DLGAP1: variants seen among roughly 807,000 people sequenced by gnomAD.
DLGAP1 encodes the protein disks large-associated protein 1.
Under a neutral mutation model 90.8 loss-of-function variants are expected in DLGAP1, and 11 were observed. The ratio of observed to expected loss-of-function variants is 0.12; its 90% CI spans 0.08 to 0.20. The LOEUF (loss-of-function observed/expected upper bound fraction) is 0.20. Ranked by LOEUF, DLGAP1 falls within the 10% of genes least tolerant of loss-of-function variation. DLGAP1 has a pLI of 1.00. For missense variants in DLGAP1, 1,050 were observed against 1,333.8 expected (o/e 0.79, Z 3.31); for synonymous variants, 558 against 540.7 (o/e 1.03, Z -0.44).
intron 1 of DLGAP1, among the ~76,000 whole-genome samples, chr18:4,402,743 C>A (rs890492058): frequency 5.3e-5 from 8 of 152,176 alleles, no homozygotes; most frequent in African/African-American, 1.7e-4. Context: ...GTCAAAAGGA[C>A]CATTAGAGTC....
intron 2 of DLGAP1, among the ~76,000 whole-genome samples, chr18:4,103,952 G>T (rs1470755004): frequency 6.6e-6 from 1 of 152,028 alleles, no homozygotes; most frequent in African/African-American, 2.4e-5. Flanking sequence ...ATTCCTAATA[G>T]TTTATTTAGG....
chr18:3,839,434 G>A (rs1383224874), intron 4 of DLGAP1, among the ~76,000 whole-genome samples: 1 of 152,162 alleles, frequency 6.6e-6, no homozygotes, highest in Non-Finnish European at 1.5e-5. Context: ...CGTAGGCATT[G>A]GTAGCATGGG....
At chr18:4,420,491 C>T (rs547844210) in intron 1 of DLGAP1, among the ~76,000 whole-genome samples, 6 of 152,122 alleles carry the variant, frequency 3.9e-5, no homozygotes, top group Admixed American at 6.6e-5. Flanking sequence ...CTTTATCTTT[C>T]GTTTCTACTT....
At chr18:3,949,374 C>T (rs767428950) in intron 3 of DLGAP1, among the ~76,000 whole-genome samples, 4 of 152,148 alleles carry the variant, frequency 2.6e-5, no homozygotes, top group African/African-American at 9.7e-5. Context: ...TTTGTAGCTC[C>T]GGACCTGGGG....
chr18:3,612,698 T>C (rs2057691621), intron 7 of DLGAP1, among the ~76,000 whole-genome samples: 1 of 152,270 alleles, frequency 6.6e-6, no homozygotes, highest in African/African-American at 2.4e-5. Context: ...AATTACAGTT[T>C]CATAAAAGAA....
At chr18:4,063,805 T>C (rs912239091) in intron 2 of DLGAP1, among the ~76,000 whole-genome samples, 3 of 152,230 alleles carry the variant, frequency 2.0e-5, no homozygotes, top group Middle Eastern at 3.4e-3. Flanking sequence ...GCTGCATTCT[T>C]TACATGGTCT....
intron 3 of DLGAP1, among the ~76,000 whole-genome samples, chr18:3,937,077 G>C (rs571565043): frequency 6.6e-6 from 1 of 152,202 alleles, no homozygotes; most frequent in African/African-American, 2.4e-5. Context: ...GGCACGCCCT[G>C]GAGAGGCCAG....
intron 2 of DLGAP1, among the ~76,000 whole-genome samples, chr18:4,121,160 AC>A (rs1170827683): frequency 6.6e-6 from 1 of 152,144 alleles, no homozygotes; most frequent in East Asian, 1.9e-4. Flanking sequence ...ATTAGGAAAG[AC>A]CTGTTTTAAG....
intron 3 of DLGAP1, among the ~76,000 whole-genome samples, chr18:3,932,420 C>T (rs989224821): frequency 5.3e-5 from 8 of 152,196 alleles, no homozygotes; most frequent in African/African-American, 1.9e-4. Flanking sequence ...GGGAACAACC[C>T]CCACAAGGAC....
At chr18:4,108,323 A>C (rs1030090884) in intron 2 of DLGAP1, among the ~76,000 whole-genome samples, 1 of 152,216 alleles carries the variant, frequency 6.6e-6, no homozygotes, top group Admixed American at 6.5e-5. Flanking sequence ...TTGGTCCTCC[A>C]ATCACACTAC....
intron 2 of DLGAP1, among the ~76,000 whole-genome samples, chr18:4,093,962 T>C (rs2075630159): frequency 6.6e-6 from 1 of 152,202 alleles, no homozygotes; most frequent in African/African-American, 2.4e-5. Context: ...TTCAATTTAA[T>C]TTAAGACGCT....
chr18:3,851,636 C>G (rs1464290838), intron 4 of DLGAP1, among the ~76,000 whole-genome samples: 1 of 151,928 alleles, frequency 6.6e-6, no homozygotes, highest in Non-Finnish European at 1.5e-5. Flanking sequence ...TATAACAAAC[C>G]TGCACAATAT....
chr18:4,287,004 G>A (rs768654214), intron 1 of DLGAP1, among the ~76,000 whole-genome samples: 82 of 152,154 alleles, frequency 5.4e-4, no homozygotes, highest in Non-Finnish European at 9.7e-4. Context: ...TTAAAAGAGC[G>A]GGTACCTCTG....
At chr18:4,328,636 A>G (rs974444753) in intron 1 of DLGAP1, among the ~76,000 whole-genome samples, 4 of 151,994 alleles carry the variant, frequency 2.6e-5, no homozygotes, top group African/African-American at 4.8e-5. Flanking sequence ...TTTTCCAGTA[A>G]GTTGTACCAT....
intron 2 of DLGAP1, among the ~76,000 whole-genome samples, chr18:4,024,245 T>C (rs2074662963): frequency 6.6e-6 from 1 of 152,224 alleles, no homozygotes; most frequent in Non-Finnish European, 1.5e-5. Flanking sequence ...GACAAAGTAT[T>C]AGCATCAGAA....
At chr18:3,830,908 C>T (rs2067996819) in intron 4 of DLGAP1, among the ~76,000 whole-genome samples, 1 of 152,152 alleles carries the variant, frequency 6.6e-6, no homozygotes, top group African/African-American at 2.4e-5. Flanking sequence ...AGTAAAAGTG[C>T]TCATGAAATC....
intron 7 of DLGAP1, chr18:3,656,351 A>C (rs2059483129): frequency 2.1e-6 from 1 of 478,676 alleles, no homozygotes; most frequent in Non-Finnish European, 3.7e-6. Context: ...TAAAAATGGG[A>C]TCAAACATGT....
intron 1 of DLGAP1, among the ~76,000 whole-genome samples, chr18:4,289,401 T>C (rs1239306943): frequency 6.6e-6 from 1 of 152,178 alleles, no homozygotes; most frequent in Non-Finnish European, 1.5e-5. Context: ...TTCTGAAGAA[T>C]GACAGGAGTT....
At chr18:3,566,928 T>C (rs1599276695) in intron 9 of DLGAP1, among the ~76,000 whole-genome samples, 1 of 152,238 alleles carries the variant, frequency 6.6e-6, no homozygotes, top group East Asian at 1.9e-4. Context: ...GACCCCAAAT[T>C]CTGTAATTTT....
Sources: allele counts gnomAD v4.1 joint callset (sites outside exome capture counted in the v4.1 genomes callset), GRCh38; gene constraint gnomAD v4.1.1; transcripts MANE v1.5; gene names NCBI Gene and HGNC (gene_info 2026-07-23, HGNC 2026-07-21).